Variants in ABCA5 observed in about 807,000 individuals in gnomAD.
The protein encoded by ABCA5 is ATP binding cassette subfamily A member 5.
ABCA5 carries 163 observed loss-of-function variants against 206.0 expected under a neutral mutation model. The ratio of observed to expected loss-of-function variants is 0.79; its 90% CI spans 0.70 to 0.90. ABCA5 has a LOEUF of 0.90. ABCA5 is among the 40% of genes least tolerant of loss of function. The probability of loss-of-function intolerance (pLI) is 0.00; values close to 1 mark genes in which losing one functional copy is unlikely to be tolerated. For missense variants in ABCA5, 1,859 were observed against 1,912.9 expected, an observed-to-expected ratio of 0.97 and a Z score of 0.53; for synonymous variants, 609 against 613.8, an observed-to-expected ratio of 0.99 and a Z score of 0.11.
chr17:69,300,587 A>ATC (rs1385529587), intron 9 of ABCA5, among the ~76,000 whole-genome samples: 5 of 152,212 alleles, frequency 3.3e-5, no homozygotes, highest in African/African-American at 1.2e-4. Context: ...TACTGAAAAA[A>ATC]ATAAATTGTT....
intron 1 of ABCA5, among the ~76,000 whole-genome samples, chr17:69,323,048 G>A (rs1431787400): frequency 6.6e-6 from 1 of 152,104 alleles, no homozygotes; most frequent in African/African-American, 2.4e-5. Flanking sequence ...ACAGAAAATG[G>A]ATAGTCTGTC....
At chr17:69,318,753 C>T (rs779407941) in intron 1 of ABCA5, 648 of 650,318 alleles carry the variant, frequency 1.0e-3, no homozygotes, top group Non-Finnish European at 1.6e-3. Context: ...CTTACACTCC[C>T]GAGTTGAAAA....
At position 69,298,620 on chromosome 17, in the gene ABCA5, T is replaced by C. The variant is rs555993504; in HGVS notation, c.1268-1261A>G. On this transcript the variant is annotated intron_variant, in intron 9 of 38. Coordinates refer to ENST00000392676, the MANE Select transcript of ABCA5 (RefSeq NM_172232.4). Reference sequence around the variant, plus strand: ...AAAGGACACCCTATTTAACAAATGGTGCTGGGATAATTGGCAAGCCACACG... The same window carrying C: ...AAAGGACACCCTATTTAACAAATGGCGCTGGGATAATTGGCAAGCCACACG... 2.6e-5 allele frequency among the ~76,000 whole-genome samples: 4 copies of C among 151,836 alleles called. No homozygotes were observed. The East Asian group carries it at 7.8e-4, about 30-fold the overall frequency.
intron 26 of ABCA5, 38 bp downstream of exon 26, chr17:69,261,083 ATTTT>A (rs773122910): frequency 1.4e-6 from 2 of 1,463,588 alleles, no homozygotes; most frequent in Admixed American, 4.7e-5. Context: ...GACCATATTT[ATTTT>A]ATGTTTTTTA....
intron 10 of ABCA5, among the ~76,000 whole-genome samples, chr17:69,296,354 TATTTC>T (rs901126700): frequency 8.5e-5 from 13 of 152,334 alleles, no homozygotes; most frequent in African/African-American, 3.1e-4. Flanking sequence ...TTCACTTTTT[TATTTC>T]ATTTTATTTT....
intron 11 of ABCA5, 77 bp downstream of exon 11, chr17:69,294,578 T>A: frequency 8.1e-7 from 1 of 1,241,628 alleles, no homozygotes; most frequent in Non-Finnish European, 1.1e-6. Flanking sequence ...GAAGTTTAAA[T>A]TTCCCACAAG....
intron 22 of ABCA5, among the ~76,000 whole-genome samples, chr17:69,269,424 A>T (rs528730089): frequency 6.6e-6 from 1 of 152,186 alleles, no homozygotes; most frequent in African/African-American, 2.4e-5. Flanking sequence ...AATATGAGAT[A>T]CCTCTCCACA....
intron 25 of ABCA5, 124 bp from the exon 26 acceptor site, chr17:69,261,383 G>A: frequency 1.1e-6 from 1 of 927,610 alleles, no homozygotes; most frequent in South Asian, 2.0e-5. Context: ...ATGATATTTA[G>A]CCAGCAAGCA....
At chr17:69,282,413 A>C (rs1410941332) in intron 18 of ABCA5, among the ~76,000 whole-genome samples, 1 of 152,096 alleles carries the variant, frequency 6.6e-6, no homozygotes, top group African/African-American at 2.4e-5. Flanking sequence ...GTAACTTCCA[A>C]ATCTGTATCT....
rs1402163195 is a variant in ABCA5, at chr17:69,253,826, C to T, written c.4288G>A (p.Val1430Ile). ...TTGATTCCTGCAGGTAGTTTCTTTA[C>T]AGTCTTCTGAAGATGTTCTTTTAAA... ...LDLKEHLQKT[V>I]KKLPAGIKRK... The change falls in exon 33 of 39, where the codon GTA (valine) becomes ATA (isoleucine). Residue 1430 changes from valine (V) to isoleucine (I), a missense_variant. Coordinates refer to ENST00000392676, the MANE Select transcript of ABCA5 (RefSeq NM_172232.4). The T allele has an allele frequency of 6.2e-7, 1 of 1,612,856 alleles. No homozygotes were observed. Among genetic ancestry groups the T allele is most frequent in the Admixed American group, 1.7e-5 (1 of 59,960 alleles).
rs1177809111 is a variant in ABCA5, at chr17:69,298,320, A to AG, written c.1268-962_1268-961insC. On this transcript the variant is annotated intron_variant, in intron 9 of 38. Transcript: ENST00000392676. ...AAAGAGAAAGAAAGAGAGAGAGAGGAAGGAAGGAAGGAAGGAAGGAAGGAA... is the reference window on the plus strand; with the variant it reads ...AAAGAGAAAGAAAGAGAGAGAGAGGAGAGGAAGGAAGGAAGGAAGGAAGGAA... Among the ~76,000 whole-genome samples the AG allele has an allele frequency of 3.8e-3, 548 of 143,472 alleles. 29 individuals are homozygous for AG. The highest frequency in any genetic ancestry group is 0.013 in the African/African-American group (507 of 38,220). The allele number at this position is 143,472 out of a possible 152,430, so 94.1% of individuals were successfully genotyped here. A position where few individuals can be genotyped will look rare whatever the true frequency, so the allele number is the denominator to read the frequency against.
At chr17:69,256,604 C>T (rs1307110950) in intron 28 of ABCA5, among the ~76,000 whole-genome samples, 12 of 151,322 alleles carry the variant, frequency 7.9e-5, no homozygotes, top group African/African-American at 2.9e-4. Context: ...TACAGGCACG[C>T]GCCACCATGC....
chr17:69,272,357 G>C (rs2144938658), intron 20 of ABCA5, among the ~76,000 whole-genome samples: 1 of 152,060 alleles, frequency 6.6e-6, no homozygotes, highest in East Asian at 1.9e-4. Context: ...TTTTATTTTG[G>C]AACACACACA....
At chr17:69,249,684 A>T in intron 37 of ABCA5, 1 of 511,854 alleles carries the variant, frequency 2.0e-6, no homozygotes, top group Non-Finnish European at 3.4e-6. Context: ...CCTGTGTCTT[A>T]GATTAAATGA....
In ABCA5 at chr17:69,289,176, C is replaced by T. The variant is rs780667478; in HGVS notation, c.1902+1G>A. 2 of 1,595,674 alleles carry T rather than the reference C, an allele frequency of 1.3e-6. No homozygotes were observed. Among genetic ancestry groups the T allele is most frequent in the East Asian group, 4.5e-5 (2 of 44,180 alleles). Reference sequence around the variant, plus strand: ...CATCTGTAAAAGTAATATTTATTTACCTTTGGGTTCCCAAGAACAGCAATT... The same window carrying T: ...CATCTGTAAAAGTAATATTTATTTATCTTTGGGTTCCCAAGAACAGCAATT... On this transcript the variant is annotated splice_donor_variant, in intron 14 of 38. Coordinates refer to ENST00000392676, the MANE Select transcript of ABCA5 (RefSeq NM_172232.4). LOFTEE classifies it high-confidence loss of function.
chr17:69,255,621 T>A lies in ABCA5; in HGVS notation c.3990A>T (p.Gly1330=), dbSNP rs1414391792. 1 of 1,579,636 alleles carries A rather than the reference T, an allele frequency of 6.3e-7. No homozygotes were observed. The highest frequency in any genetic ancestry group is 8.5e-7 in the Non-Finnish European group (1 of 1,170,556). The change falls in exon 31 of 39, where the codon GGA becomes GGT. Residue 1330 remains glycine (G), a synonymous_variant. Transcript: ENST00000392676. ...SFCVKKGEIL[G]LLGPNGAGKS... ...TGCCAGCACCATTTGGACCCAATAG[T>A]CCTAAGATCTCTCCTAAAGGAATTG...
intron 20 of ABCA5, among the ~76,000 whole-genome samples, chr17:69,271,640 GCTGCTGCTGCTGCTGCTGCCACCA>G (rs1053377530): frequency 8.2e-4 from 123 of 149,958 alleles, no homozygotes; most frequent in African/African-American, 3.0e-3. Flanking sequence ...GCATATTTTA[GCTGCTGCTGCTGCTGCTGCCACCA>G]CTGCTGCTGC....
rs760829293 is a variant in ABCA5 at position 69,290,066 on chromosome 17, CATTA to C, written c.1607-33_1607-30del. On this transcript the variant is annotated intron_variant, in intron 12 of 38. Coordinates refer to ENST00000392676, the MANE Select transcript of ABCA5 (RefSeq NM_172232.4). ...AAAGCAAAATATATATTTAAATGTA[CATTA>C]ATTATTTTATAATGTGTATGTTTTC... 2.4e-5 allele frequency: 33 copies of C among 1,402,508 alleles called. No homozygotes were observed. The African/African-American group carries it at 4.0e-4, about 17-fold the overall frequency. 86.9% of individuals were successfully genotyped at this position (1,402,508 alleles called of 1,614,324 possible).
chr17:69,270,773 T>G, intron 21 of ABCA5, 23 bp from the exon 22 acceptor site: 2 of 1,516,188 alleles, frequency 1.3e-6, no homozygotes, highest in Non-Finnish European at 1.8e-6. Context: ...AAAAGACACT[T>G]ATTACATACT....
Sources: gnomAD v4.1 joint callset for allele counts (sites outside exome capture counted in the v4.1 genomes callset) on GRCh38, gnomAD v4.1.1 for gene constraint, MANE v1.5 for transcripts, NCBI Gene and HGNC (gene_info 2026-07-23, HGNC 2026-07-21) for gene names.